SYBU: variants seen among roughly 807,000 people sequenced by gnomAD.
The protein encoded by SYBU is syntabulin, also known as GOLSYN A protein.
In SYBU, 21 loss-of-function variants were observed where a neutral mutation model predicts 35.9. The ratio of observed to expected loss-of-function variants is 0.58; its 90% CI spans 0.41 to 0.84. The LOEUF is 0.84. Ranked by LOEUF, SYBU falls within the 40% of genes least tolerant of loss-of-function variation. SYBU has a pLI of 0.00. For missense variants in SYBU, 768 were observed against 848.2 expected (o/e 0.91, Z 1.17); for synonymous variants, 319 against 324.3 (o/e 0.98, Z 0.18).
chr8:109,669,676 G>A (rs1816905704), intron 1 of SYBU, among the ~76,000 whole-genome samples: 1 of 152,216 alleles, frequency 6.6e-6, no homozygotes, highest in Admixed American at 6.5e-5. Flanking sequence ...AGGAAAATGT[G>A]ATGCAGCCAG....
chr8:109,666,259 C>T (rs1341346058), intron 1 of SYBU, among the ~76,000 whole-genome samples: 1 of 152,208 alleles, frequency 6.6e-6, no homozygotes, highest in African/African-American at 2.4e-5. Flanking sequence ...AGTTTCTGAA[C>T]CTCGACACTA....
chr8:109,614,314 T>C (rs879498043), intron 3 of SYBU, among the ~76,000 whole-genome samples: 6 of 152,206 alleles, frequency 3.9e-5, no homozygotes, highest in African/African-American at 1.2e-4. Context: ...TCATTTAATG[T>C]TCTAAGGAAG....
At position 109,644,735 on chromosome 8, in the gene SYBU, G is replaced by C; in HGVS notation, c.-76C>G. On this transcript the variant is annotated 5_prime_UTR_variant, in exon 1 of 7. Transcript: ENST00000276646. ...GAGGCACCTGCGAGCACGGAGCGAG[G>C]AGACTGCGCTGAGCCGGCGCGGGCT... is the stretch of plus-strand genomic sequence containing the variant. 7.3e-7 allele frequency: 1 copy of C among 1,362,568 alleles called. No homozygotes were observed. Among genetic ancestry groups the C allele is most frequent in the Non-Finnish European group, 9.5e-7 (1 of 1,057,392 alleles). 84.4% of individuals were successfully genotyped at this position (1,362,568 alleles called of 1,614,324 possible). A position where few individuals can be genotyped will look rare whatever the true frequency, so the allele number is the denominator to read the frequency against.
At chr8:109,579,423 TTTTG>T (rs137877251) in intron 5 of SYBU, among the ~76,000 whole-genome samples, 26 of 152,164 alleles carry the variant, frequency 1.7e-4, no homozygotes, top group East Asian at 1.5e-3. Flanking sequence ...CTTAAGTTGT[TTTTG>T]TTTGTTTGTT....
At chr8:109,603,281 C>T in intron 3 of SYBU, 1 of 356,466 alleles carries the variant, frequency 2.8e-6, no homozygotes, top group Non-Finnish European at 3.9e-6. Context: ...TTTGAACTCC[C>T]ACTCATCCTT....
At chr8:109,679,446 A>C (rs558883841) in intron 1 of SYBU, among the ~76,000 whole-genome samples, 3 of 152,348 alleles carry the variant, frequency 2.0e-5, no homozygotes, top group Non-Finnish European at 4.4e-5. Flanking sequence ...CTTGTGCAAG[A>C]TCCAAGAACT....
rs990246870 is a variant in SYBU, at chr8:109,609,248, A to G, written c.427+9594T>C. On this transcript the variant is annotated intron_variant, in intron 3 of 6. Coordinates refer to ENST00000276646, the MANE Select transcript of SYBU (RefSeq NM_001099754.2). ...TCTTTGAACAAAAAGTGCCATTTGC[A>G]AAAGACATATCCTTCTGAATTGGCT... is the stretch of plus-strand genomic sequence containing the variant. Among the ~76,000 whole-genome samples the G allele has an allele frequency of 2.0e-5, 3 of 152,224 alleles. No homozygotes were observed. The East Asian group carries it at 5.8e-4, about 29-fold the overall frequency.
At chr8:109,618,755 G>A (rs1374133165) in intron 3 of SYBU, 87 bp downstream of exon 3, 4 of 1,217,646 alleles carry the variant, frequency 3.3e-6, no homozygotes, top group Non-Finnish European at 4.8e-6. Context: ...TGTGATCCCC[G>A]ACTCGATATA....
rs1467224387 is a variant in SYBU at position 109,575,222 on chromosome 8, G to A, written c.1676C>T (p.Thr559Ile). The change falls in exon 7 of 7, where the codon ACC becomes ATC. Residue 559 changes from threonine to isoleucine, a missense_variant. Coordinates refer to ENST00000276646, the MANE Select transcript of SYBU (RefSeq NM_001099754.2). ...TTCTGCATCCACATTGGCGTAGGGGGTCTCCACGGGAGACAAAAGGATGGC... is the reference window on the plus strand; with the variant it reads ...TTCTGCATCCACATTGGCGTAGGGGATCTCCACGGGAGACAAAAGGATGGC... ...NSAILLSPVE[T>I]PYANVDAEVH... 3.7e-6 allele frequency: 6 copies of A among 1,614,218 alleles called. No individual in the cohort carries two copies. Among genetic ancestry groups the A allele is most frequent in the East Asian group, 2.2e-5 (1 of 44,872 alleles).
At chr8:109,667,116 A>G (rs1053391037) in intron 1 of SYBU, among the ~76,000 whole-genome samples, 1 of 152,040 alleles carries the variant, frequency 6.6e-6, no homozygotes, top group African/African-American at 2.4e-5. Flanking sequence ...TACTATTGTT[A>G]TTATTATTTC....
intron 1 of SYBU, among the ~76,000 whole-genome samples, chr8:109,662,688 A>T (rs1816607098): frequency 6.6e-6 from 1 of 152,184 alleles, no homozygotes; most frequent in African/African-American, 2.4e-5. Context: ...TCAGGACATA[A>T]TGTAAACCAT....
chr8:109,645,007 C>G, upstream of SYBU: 1 of 486,716 alleles, frequency 2.1e-6, no homozygotes, highest in South Asian at 1.9e-5. Flanking sequence ...CAGCCAGAGC[C>G]GGTGTCCCTC....
chr8:109,681,993 C>T (rs371199177), upstream of SYBU, among the ~76,000 whole-genome samples: 11 of 152,162 alleles, frequency 7.2e-5, no homozygotes, highest in African/African-American at 2.7e-4. Flanking sequence ...GTTTACTTCC[C>T]CTTCCATAAT....
At chr8:109,638,255 C>A (rs532815000) in intron 2 of SYBU, among the ~76,000 whole-genome samples, 1 of 152,168 alleles carries the variant, frequency 6.6e-6, no homozygotes, top group Non-Finnish European at 1.5e-5. Context: ...CGGCATGCTG[C>A]TAACCATGTC....
chr8:109,591,621 C>T (rs895339331), intron 3 of SYBU, among the ~76,000 whole-genome samples: 1 of 146,018 alleles, frequency 6.8e-6, no homozygotes. Flanking sequence ...ACGCCATTCT[C>T]CTGCCTCAGC....
Position 109,574,772 on chromosome 8 carries a change from CTAAA to C in SYBU, c.*130_*133del, listed in dbSNP as rs1286825203. ...GTTTTAAACAGTGAACAGGCTTCAA[CTAAA>C]TATAGTGCAAATCAAATACCAAGGA... is the stretch of plus-strand genomic sequence containing the variant. On this transcript the variant is annotated 3_prime_UTR_variant, in exon 7 of 7. Transcript: ENST00000276646. The C allele has an allele frequency of 9.8e-7, 1 of 1,019,140 alleles. No individual in the cohort carries two copies. The highest frequency in any genetic ancestry group is 1.4e-6 in the Non-Finnish European group (1 of 723,178). 63.1% of individuals were successfully genotyped at this position (1,019,140 alleles called of 1,614,324 possible).
At chr8:109,680,931 G>T (rs1366876926) in exon 1 of SYBU, 2 of 152,224 alleles carry the variant, frequency 1.3e-5, no homozygotes, top group African/African-American at 4.8e-5. Context: ...TGCTAAAATT[G>T]CAGTTTGCAT....
At chr8:109,684,961 A>C (rs1040528364), upstream of SYBU, among the ~76,000 whole-genome samples, 1 of 152,200 alleles carries the variant, frequency 6.6e-6, no homozygotes, top group African/African-American at 2.4e-5. Context: ...AGATCAAGAG[A>C]AAGATTTCTA....
intron 2 of SYBU, among the ~76,000 whole-genome samples, chr8:109,639,564 T>C (rs949571742): frequency 2.0e-5 from 3 of 152,234 alleles, no homozygotes; most frequent in Non-Finnish European, 4.4e-5. Flanking sequence ...TGATGATTTA[T>C]AAAGAAGAGA....
Sources: gnomAD v4.1 joint callset for allele counts (sites outside exome capture counted in the v4.1 genomes callset) on GRCh38, gnomAD v4.1.1 for gene constraint, MANE v1.5 for transcripts, NCBI Gene and HGNC (gene_info 2026-07-23, HGNC 2026-07-21) for gene names.